PAG1: variants seen among roughly 807,000 people sequenced by gnomAD.
PAG1 encodes phosphoprotein associated with glycosphingolipid-enriched microdomains 1.
PAG1 carries 23 observed loss-of-function variants against 31.7 expected under a neutral mutation model. The observed-to-expected ratio is 0.73, with a 90% confidence interval of 0.52 to 1.03. The LOEUF is 1.03. Among genes scored for constraint, PAG1 ranks in the 50% least tolerant of loss-of-function variants. PAG1 has a pLI of 0.00. For synonymous variants in PAG1, 214 were observed against 210.3 expected (o/e 1.02, Z -0.15); for missense variants, 473 against 540.7 (o/e 0.87, Z 1.24).
At chr8:80,981,985 C>A (rs896933403) in intron 7 of PAG1, among the ~76,000 whole-genome samples, 1 of 151,656 alleles carries the variant, frequency 6.6e-6, no homozygotes, top group African/African-American at 2.4e-5. Flanking sequence ...CCCACCTCAG[C>A]CTCCCAAGTA....
At chr8:81,057,418 T>G (rs576863229) in intron 2 of PAG1, among the ~76,000 whole-genome samples, 1 of 151,842 alleles carries the variant, frequency 6.6e-6, no homozygotes, top group Non-Finnish European at 1.5e-5. Context: ...ATGTCCTTCA[T>G]AGGGACATGG....
At chr8:80,994,481 G>A (rs1157229253) in intron 3 of PAG1, among the ~76,000 whole-genome samples, 1 of 152,158 alleles carries the variant, frequency 6.6e-6, no homozygotes, top group African/African-American at 2.4e-5. Context: ...ACCCTGTGTA[G>A]GAGGCACTGT....
chr8:81,107,864 C>A (rs1407474738), intron 1 of PAG1, among the ~76,000 whole-genome samples: 1 of 152,242 alleles, frequency 6.6e-6, no homozygotes, highest in African/African-American at 2.4e-5. Flanking sequence ...TCCCAATGTG[C>A]CTCTCACAAT....
chr8:81,001,050 C>T (rs2130586673), intron 3 of PAG1, among the ~76,000 whole-genome samples: 1 of 152,346 alleles, frequency 6.6e-6, no homozygotes, highest in South Asian at 2.1e-4. Flanking sequence ...CTCTTTCCAA[C>T]ATTTTTCATC....
At chr8:81,086,006 G>A (rs1198494728) in intron 1 of PAG1, among the ~76,000 whole-genome samples, 2 of 90,616 alleles carry the variant, frequency 2.2e-5, no homozygotes, top group Admixed American at 1.5e-4. Flanking sequence ...TTTTGAGACG[G>A]AGTCTCGCTC....
Position 80,967,955 on chromosome 8 carries a change from T to C in PAG1, c.*8589A>G, listed in dbSNP as rs1188222005. ...GTTTTATTACATGTAAACTATAAGA[T>C]ATTACAAGTTAAACTCCAGTCTTTT... On this transcript the variant is annotated 3_prime_UTR_variant, in exon 9 of 9. Coordinates refer to ENST00000220597, the MANE Select transcript of PAG1 (RefSeq NM_018440.4). The C allele has an allele frequency of 6.6e-6, 1 of 152,224 alleles. No homozygotes were observed. The highest frequency in any genetic ancestry group is 1.5e-5 in the Non-Finnish European group (1 of 68,044). The allele number at this position is 152,224 out of a possible 1,614,324, so 9.4% of individuals were successfully genotyped here.
chr8:81,079,175 C>G (rs776377696), intron 1 of PAG1, among the ~76,000 whole-genome samples: 41 of 152,106 alleles, frequency 2.7e-4, no homozygotes, highest in Middle Eastern at 6.8e-3. Flanking sequence ...GATTTCCCCC[C>G]CTTACTTCCT....
intron 2 of PAG1, among the ~76,000 whole-genome samples, chr8:81,044,921 G>A (rs1473424495): frequency 6.6e-6 from 1 of 152,046 alleles, no homozygotes; most frequent in East Asian, 1.9e-4. Context: ...CTCCCCACCA[G>A]TCTCCCCGGG....
At chr8:81,091,937 C>T (rs1489553109) in intron 1 of PAG1, among the ~76,000 whole-genome samples, 2 of 150,132 alleles carry the variant, frequency 1.3e-5, no homozygotes, top group Non-Finnish European at 3.0e-5. Flanking sequence ...GAGTTCAACC[C>T]TGTAGTAAGC....
At chr8:81,039,686 G>A (rs964261803) in intron 2 of PAG1, 2 of 152,168 alleles carry the variant, frequency 1.3e-5, no homozygotes, top group African/African-American at 4.8e-5. Flanking sequence ...ACAGAGATTA[G>A]GGTAAGGAAG....
At chr8:80,988,704 A>C (rs1044005772) in intron 5 of PAG1, among the ~76,000 whole-genome samples, 7 of 152,134 alleles carry the variant, frequency 4.6e-5, no homozygotes, top group African/African-American at 1.7e-4. Context: ...TGCCCACCCC[A>C]GCCTCCCAAA....
chr8:81,015,760 G>A (rs1808061507), intron 3 of PAG1, among the ~76,000 whole-genome samples: 1 of 152,136 alleles, frequency 6.6e-6, no homozygotes, highest in South Asian at 2.1e-4. Context: ...AGGTATAGAA[G>A]ATTCCCTAGA....
rs552925547 is a variant in PAG1, at chr8:81,009,808, T to C, written c.-80-16501A>G. On this transcript the variant is annotated intron_variant, in intron 3 of 8. Transcript: ENST00000220597. ...TTATTTATGTATTGTTGAGATGGAA[T>C]TTAGCTATGTTGCCCAGGCTGGGCT... is the stretch of plus-strand genomic sequence containing the variant. 2.0e-5 allele frequency among the ~76,000 whole-genome samples: 3 copies of C among 152,300 alleles called. No homozygotes were observed. In the East Asian group the frequency reaches 5.8e-4, roughly 29 times the overall value.
chr8:81,079,788 A>G (rs1809235842), intron 1 of PAG1, among the ~76,000 whole-genome samples: 2 of 151,884 alleles, frequency 1.3e-5, no homozygotes, highest in Non-Finnish European at 2.9e-5. Flanking sequence ...TATTTTTTTG[A>G]GACAGGGTCT....
At chr8:81,020,324 A>G (rs1472944952) in intron 3 of PAG1, among the ~76,000 whole-genome samples, 3 of 152,150 alleles carry the variant, frequency 2.0e-5, no homozygotes, top group Non-Finnish European at 4.4e-5. Context: ...GGGAGGGGCC[A>G]GGGGTAGAAT....
Position 81,018,774 on chromosome 8 carries a change from C to T in PAG1, c.-81+11222G>A, listed in dbSNP as rs151072080. Among the ~76,000 whole-genome samples, 1,022 of 152,286 alleles carry T rather than the reference C, an allele frequency of 6.7e-3. 6 individuals are homozygous for T. Among genetic ancestry groups the T allele is most frequent in the African/African-American group, 0.024 (978 of 41,560 alleles). The stretch of plus-strand genomic sequence containing the variant: ...CCCTTATAAATTACCCAGTCTGGTG[C>T]ATGTCTTTATTAGCAGTGTGAGAAC... On this transcript the variant is annotated intron_variant, in intron 3 of 8. Coordinates refer to ENST00000220597, the MANE Select transcript of PAG1 (RefSeq NM_018440.4).
chr8:81,025,584 G>A (rs894809293), intron 3 of PAG1, among the ~76,000 whole-genome samples: 1 of 152,170 alleles, frequency 6.6e-6, no homozygotes, highest in Non-Finnish European at 1.5e-5. Flanking sequence ...CGTGCCCAGG[G>A]CCATGGTATG....
At chr8:81,002,908 T>A (rs1242667321) in intron 3 of PAG1, among the ~76,000 whole-genome samples, 1 of 152,162 alleles carries the variant, frequency 6.6e-6, no homozygotes, top group Non-Finnish European at 1.5e-5. Context: ...TAAAAATATA[T>A]GTCCAGAGCT....
At chr8:81,043,885 G>A (rs1473022238) in intron 2 of PAG1, among the ~76,000 whole-genome samples, 1 of 152,124 alleles carries the variant, frequency 6.6e-6, no homozygotes, top group Non-Finnish European at 1.5e-5. Flanking sequence ...TACCTTCTGG[G>A]AATTCTTAAA....
Sources: gnomAD v4.1 joint callset for allele counts (sites outside exome capture counted in the v4.1 genomes callset) on GRCh38, gnomAD v4.1.1 for gene constraint, MANE v1.5 for transcripts, NCBI Gene and HGNC (gene_info 2026-07-23, HGNC 2026-07-21) for gene names.